PSG7: variants seen among roughly 807,000 people sequenced by gnomAD.
PSG7 encodes pregnancy-specific beta-1-glycoprotein 7.
A neutral mutation model predicts 45.6 loss-of-function variants in PSG7; 57 were observed. The observed-to-expected ratio is 1.25, with a 90% CI of 1.01 to 1.56. PSG7 has a LOEUF of 1.56. Among genes scored for constraint, PSG7 ranks in the 40% most tolerant of loss-of-function variants. PSG7 has a pLI of 0.00. For missense variants in PSG7, 796 were observed against 508.4 expected (o/e 1.57, Z -5.44); for synonymous variants, 298 against 194.4 (o/e 1.53, Z -4.43).
At chr19:42,936,958 C>T in intron 1 of PSG7, 55 bp downstream of exon 1, 2 of 1,601,102 alleles carry the variant, frequency 1.2e-6, no homozygotes, top group Non-Finnish European at 1.7e-6. Flanking sequence ...TAGGAGACCC[C>T]ATCCAGTCAC....
rs180737419 is a variant in PSG7 at position 42,924,434 on chromosome 19, C to A, written c.*374G>T. On this transcript the variant is annotated 3_prime_UTR_variant, in exon 6 of 6. Coordinates refer to ENST00000406070, the MANE Select transcript of PSG7 (RefSeq NM_002783.3). ...ATATCTGACACTCTGTTGTTACCCTCAGAAGCTCCTATACTACATGTGAAA... is the reference window on the plus strand; with the variant it reads ...ATATCTGACACTCTGTTGTTACCCTAAGAAGCTCCTATACTACATGTGAAA... The A allele has an allele frequency of 1.0e-4, 49 of 485,832 alleles. No individual in the cohort carries two copies. The highest frequency in any genetic ancestry group is 8.3e-4 in the African/African-American group (43 of 51,846). 30.1% of individuals were successfully genotyped at this position (485,832 alleles called of 1,614,324 possible).
chr19:42,925,620 T>C, intron 5 of PSG7, 153 bp downstream of exon 5: 2 of 1,503,916 alleles, frequency 1.3e-6, no homozygotes, highest in Non-Finnish European at 1.8e-6. Context: ...TCGAAGTTCT[T>C]AGACAAATTT....
At chr19:42,932,951 G>C (rs1428467320) in intron 2 of PSG7, among the ~76,000 whole-genome samples, 1 of 150,664 alleles carries the variant, frequency 6.6e-6, no homozygotes, top group Non-Finnish European at 1.5e-5. Context: ...GGTCTTTTGA[G>C]ATGTTTCTCA....
At chr19:42,931,282 G>A (rs1436308862) in intron 2 of PSG7, among the ~76,000 whole-genome samples, 1 of 151,564 alleles carries the variant, frequency 6.6e-6, no homozygotes, top group Non-Finnish European at 1.5e-5. Flanking sequence ...ACGAAAATGA[G>A]GTTTAGGTGT....
At position 42,933,266 on chromosome 19, in the gene PSG7, A is replaced by AAAATATATAT. The variant is rs1973060372; in HGVS notation, c.430+2137_430+2138insATATATATTT. Reference sequence around the variant, plus strand: ...ATTCTTTACTACAAATCACCATTTCAATATATATATATATATATATATATA... The same window carrying AAAATATATAT: ...ATTCTTTACTACAAATCACCATTTCAAAATATATATATATATATATATATATATATATATA... On this transcript the variant is annotated intron_variant, in intron 2 of 5. Transcript: ENST00000406070. Among the ~76,000 whole-genome samples, 2 of 15,742 alleles carry AAAATATATAT rather than the reference A, an allele frequency of 1.3e-4. 1 individual carries two copies. Among genetic ancestry groups the AAAATATATAT allele is most frequent in the Non-Finnish European group, 2.5e-4 (2 of 8,106 alleles). 10.3% of individuals were successfully genotyped at this position (15,742 alleles called of 152,430 possible). A position where few individuals can be genotyped will look rare whatever the true frequency, so the allele number is the denominator to read the frequency against.
At position 42,924,574 on chromosome 19, in the gene PSG7, C is replaced by T. The variant is rs117834775; in HGVS notation, c.*234G>A. 0.011 allele frequency: 6,734 copies of T among 608,766 alleles called. 196 individuals carry two copies. Among genetic ancestry groups the T allele is most frequent in the Non-Finnish European group, 0.013 (4,279 of 342,226 alleles). The allele number at this position is 608,766 out of a possible 1,614,324, so 37.7% of individuals were successfully genotyped here. On this transcript the variant is annotated 3_prime_UTR_variant, in exon 6 of 6. Transcript: ENST00000406070. ...TCTTATTCTGACATCTTGGGAAAAG[C>T]TGTCCACAGTGTGAAGTCATCAACT...
intron 3 of PSG7, among the ~76,000 whole-genome samples, chr19:42,928,377 A>G (rs1253249647): frequency 6.6e-6 from 1 of 151,436 alleles, no homozygotes; most frequent in African/African-American, 2.4e-5. Context: ...TTTGCGTAGT[A>G]TTTTCTTTCT....
chr19:42,935,567 A>T lies in PSG7; in HGVS notation c.267T>A (p.Ile89=), dbSNP rs782127425. The change falls in exon 2 of 6, where the codon ATT becomes ATA. Residue 89 remains isoleucine (I), a synonymous_variant. Transcript: ENST00000406070. ...VTSYIVDGQI[I]KYGPAYSGRE... ...GTCCACTGTATGCAGGCCCATATTT[A>T]ATTATTTGACCGTCTACTATATATG... 6.2e-7 allele frequency: 1 copy of T among 1,611,822 alleles called. No homozygotes were observed. Among genetic ancestry groups the T allele is most frequent in the South Asian group, 1.1e-5 (1 of 90,786 alleles).
In PSG7 at chr19:42,929,578, G is replaced by A. The variant is rs746631122; in HGVS notation, c.573C>T (p.His191=). The change falls in exon 3 of 6, where the codon CAC becomes CAT. Residue 191 remains histidine, a synonymous_variant. Transcript: ENST00000406070. ...WMNGQSLPMT[H]SLQLSETNRT... ...TGTTGGTTTCAGACAGCTGCAAGCT[G>A]TGAGTCATAGGGAGGCTCTGACCAT... 7 of 1,612,500 alleles carry A rather than the reference G, an allele frequency of 4.3e-6. No individual in the cohort carries two copies. The African/African-American group carries it at 5.4e-5, about 12-fold the overall frequency.
In PSG7 at chr19:42,924,583, G is replaced by A. The variant is rs1972485457; in HGVS notation, c.*225C>T. 2 of 625,422 alleles carry A rather than the reference G, an allele frequency of 3.2e-6. No homozygotes were observed. Among genetic ancestry groups the A allele is most frequent in the South Asian group, 1.9e-5 (1 of 51,724 alleles). The allele number at this position is 625,422 out of a possible 1,614,324, so 38.7% of individuals were successfully genotyped here. A position where few individuals can be genotyped will look rare whatever the true frequency, so the allele number is the denominator to read the frequency against. ...GACATCTTGGGAAAAGCTGTCCACA[G>A]TGTGAAGTCATCAACTTGTTTTCCT... On this transcript the variant is annotated 3_prime_UTR_variant, in exon 6 of 6. Coordinates refer to ENST00000406070, the MANE Select transcript of PSG7 (RefSeq NM_002783.3).
intron 2 of PSG7, among the ~76,000 whole-genome samples, chr19:42,930,376 A>T (rs1408872935): frequency 1.3e-5 from 2 of 151,612 alleles, no homozygotes; most frequent in Non-Finnish European, 1.5e-5. Flanking sequence ...GCAGAGTCCA[A>T]GGAATGACCT....
intron 2 of PSG7, among the ~76,000 whole-genome samples, chr19:42,932,409 A>G (rs921660156): frequency 7.3e-5 from 11 of 151,536 alleles, no homozygotes; most frequent in African/African-American, 9.7e-5. Flanking sequence ...CAAGCTTGTT[A>G]TATGCCTGAC....
intron 3 of PSG7, among the ~76,000 whole-genome samples, chr19:42,928,986 C>T (rs188393846): frequency 2.0e-5 from 3 of 151,472 alleles, no homozygotes; most frequent in Admixed American, 6.6e-5. Flanking sequence ...AGCTTGGGGA[C>T]TTCTCTTGTA....
rs1391903460 is a variant in PSG7 at position 42,935,834 on chromosome 19, C to T, written c.65-65G>A. On this transcript the variant is annotated intron_variant, in intron 1 of 5. Transcript: ENST00000406070. The stretch of plus-strand genomic sequence containing the variant: ...TGTGTTGGGTTGAAAAGATGGGCCC[C>T]TGGGTCCTGAGAAGGTCTCTTCAAT... The T allele has an allele frequency of 5.8e-6, 9 of 1,538,654 alleles. No individual in the cohort carries two copies. The South Asian group carries it at 1.0e-4, about 17-fold the overall frequency.
intron 2 of PSG7, among the ~76,000 whole-genome samples, chr19:42,933,373 G>A (rs113946342): frequency 1.7e-4 from 22 of 130,510 alleles, no homozygotes; most frequent in Non-Finnish European, 3.2e-4. Context: ...GCAATTATAA[G>A]AGTGGATGGA....
At chr19:42,929,743 A>G (rs781289762) in intron 2 of PSG7, 23 bp from the exon 3 acceptor site, 1 of 1,606,180 alleles carries the variant, frequency 6.2e-7, no homozygotes, top group Admixed American at 1.7e-5. Flanking sequence ...CAGAGAGAAG[A>G]TTGCCCTGTG....
intron 2 of PSG7, among the ~76,000 whole-genome samples, chr19:42,933,303 A>ATTTTTTTTT (rs1418931958): frequency 3.4e-4 from 5 of 14,856 alleles, no homozygotes; most frequent in African/African-American, 8.8e-4. Flanking sequence ...ATATATATAT[A>ATTTTTTTTT]TATATTTTTT....
chr19:42,933,299 A>ATTTT (rs1235421771), intron 2 of PSG7, among the ~76,000 whole-genome samples: 1 of 14,652 alleles, frequency 6.8e-5, no homozygotes, highest in African/African-American at 1.8e-4. Context: ...ATATATATAT[A>ATTTT]TATATATATT....
At position 42,935,837 on chromosome 19, in the gene PSG7, G is replaced by T. The variant is rs1255789414; in HGVS notation, c.65-68C>A. Reference sequence around the variant, plus strand: ...GTTGGGTTGAAAAGATGGGCCCCTGGGTCCTGAGAAGGTCTCTTCAATCCT... The same window carrying T: ...GTTGGGTTGAAAAGATGGGCCCCTGTGTCCTGAGAAGGTCTCTTCAATCCT... On this transcript the variant is annotated intron_variant, in intron 1 of 5. Transcript: ENST00000406070. 2.4e-5 allele frequency: 37 copies of T among 1,527,316 alleles called. 1 individual carries two copies. The highest frequency in any genetic ancestry group is 2.9e-5 in the Non-Finnish European group (33 of 1,138,484). The allele number at this position is 1,527,316 out of a possible 1,614,324, so 94.6% of individuals were successfully genotyped here.
Sources: allele counts gnomAD v4.1 joint callset (sites outside exome capture counted in the v4.1 genomes callset), GRCh38; gene constraint gnomAD v4.1.1; transcripts MANE v1.5; gene names NCBI Gene and HGNC (gene_info 2026-07-23, HGNC 2026-07-21).